The following ARCN1 variants were observed in gnomAD, a reference collection of about 807,000 sequenced individuals.
The protein encoded by ARCN1 is archain 1 coat protein complex I subunit delta.
ARCN1 carries 5 observed loss-of-function variants against 60.4 expected under a neutral mutation model. The ratio of observed to expected loss-of-function variants is 0.08; its 90% confidence interval spans 0.04 to 0.17. The LOEUF (loss-of-function observed/expected upper bound fraction) is 0.17, where lower values mean the gene tolerates loss of function less well. ARCN1 is among the 10% of genes least tolerant of loss of function. ARCN1 has a pLI of 1.00. For missense variants in ARCN1, 464 were observed against 626.5 expected (o/e 0.74, Z 2.77); for synonymous variants, 224 against 220.0 (o/e 1.02, Z -0.16).
intron 5 of ARCN1, among the ~76,000 whole-genome samples, chr11:118,587,876 C>G (rs538868249): frequency 6.6e-6 from 1 of 152,328 alleles, no homozygotes; most frequent in East Asian, 1.9e-4. Context: ...GAGCACCTCA[C>G]AGAACTCAGG....
rs149567724 is a variant in ARCN1 at position 118,587,854 on chromosome 11, A to G, written c.819-2487A>G. 2.5e-3 allele frequency among the ~76,000 whole-genome samples: 376 copies of G among 152,308 alleles called. 2 individuals carry two copies. Among genetic ancestry groups the G allele is most frequent in the Admixed American group, 4.4e-3 (68 of 15,300 alleles). On this transcript the variant is annotated intron_variant, in intron 5 of 9. Coordinates refer to ENST00000264028, the MANE Select transcript of ARCN1 (RefSeq NM_001655.5). ...CCCACGACCCCCTCTGGGGTGTTCA[A>G]TTAATCTGCTAGAGCACCTCACAGA...
Position 118,600,742 on chromosome 11 carries a change from A to G in ARCN1, c.*28A>G, listed in dbSNP as rs1353546536. The stretch of plus-strand genomic sequence containing the variant: ...CCAAGAAGAGGGAGCTGAAAAGGAA[A>G]ATTTTCAGATTAATAAAGAAGACGC... On this transcript the variant is annotated 3_prime_UTR_variant, in exon 10 of 10. Coordinates refer to ENST00000264028, the MANE Select transcript of ARCN1 (RefSeq NM_001655.5). 1 of 1,490,578 alleles carries G rather than the reference A, an allele frequency of 6.7e-7. No homozygotes were observed. Among genetic ancestry groups the G allele is most frequent in the African/African-American group, 1.4e-5 (1 of 70,636 alleles). The allele number at this position is 1,490,578 out of a possible 1,614,324, so 92.3% of individuals were successfully genotyped here.
At chr11:118,585,614 G>GTTGCAACC (rs1938761536) in intron 5 of ARCN1, among the ~76,000 whole-genome samples, 1 of 151,878 alleles carries the variant, frequency 6.6e-6, no homozygotes, top group Non-Finnish European at 1.5e-5. Context: ...ATCTCAGCTT[G>GTTGCAACC]TTGCAACCTC....
intron 1 of ARCN1, among the ~76,000 whole-genome samples, chr11:118,580,673 G>A (rs535914664): frequency 2.6e-5 from 4 of 152,202 alleles, no homozygotes; most frequent in Non-Finnish European, 4.4e-5. Flanking sequence ...TGATTGACAT[G>A]TCTAAGTCTC....
intron 1 of ARCN1, 95 bp downstream of exon 1, chr11:118,572,645 C>G: frequency 6.6e-7 from 1 of 1,512,290 alleles, no homozygotes; most frequent in African/African-American, 1.4e-5. Flanking sequence ...GAGCCCCGCC[C>G]TGAGGGTCTA....
chr11:118,591,962 C>T (rs1473985528), intron 6 of ARCN1, among the ~76,000 whole-genome samples: 4 of 151,570 alleles, frequency 2.6e-5, no homozygotes. Context: ...CTCTTCCTGC[C>T]CAGGTTGGAG....
intron 1 of ARCN1, among the ~76,000 whole-genome samples, chr11:118,580,780 C>G (rs1361298351): frequency 6.6e-6 from 1 of 152,074 alleles, no homozygotes; most frequent in Non-Finnish European, 1.5e-5. Context: ...GCTTTGGCCT[C>G]CCAAAGTGCT....
Position 118,581,937 on chromosome 11 carries a change from G to GACACACACAC in ARCN1, c.267+449_267+458dup, listed in dbSNP as rs34532442. ...TGATCCAGAGACAGACAGACAGACAGACACACACACACACACACACACACA... is the reference window on the plus strand; with the variant it reads ...TGATCCAGAGACAGACAGACAGACAGACACACACACACACACACACACACACACACACACA... On this transcript the variant is annotated intron_variant, in intron 2 of 9. Coordinates refer to ENST00000264028, the MANE Select transcript of ARCN1 (RefSeq NM_001655.5). Among the ~76,000 whole-genome samples the GACACACACAC allele has an allele frequency of 6.9e-3, 971 of 140,804 alleles. 12 individuals are homozygous for GACACACACAC. The highest frequency in any genetic ancestry group is 0.023 in the African/African-American group (898 of 38,642). The allele number at this position is 140,804 out of a possible 152,430, so 92.4% of individuals were successfully genotyped here.
chr11:118,584,176 T>C (rs536258319), intron 4 of ARCN1, among the ~76,000 whole-genome samples, 162 bp downstream of exon 4: 7 of 152,324 alleles, frequency 4.6e-5, no homozygotes, highest in Middle Eastern at 6.8e-3. Context: ...AAAGAAGAAA[T>C]CTGAATGTGG....
intron 6 of ARCN1, 91 bp downstream of exon 6, chr11:118,590,597 ATTACT>A: frequency 7.4e-7 from 1 of 1,355,960 alleles, no homozygotes; most frequent in East Asian, 2.3e-5. Context: ...ACCACAGAAA[ATTACT>A]TAAGTTATAT....
chr11:118,577,404 C>G (rs1374474431), intron 1 of ARCN1, among the ~76,000 whole-genome samples: 6 of 151,986 alleles, frequency 3.9e-5, no homozygotes, highest in African/African-American at 1.2e-4. Context: ...CACCACCAGA[C>G]TTGGCTAATT....
In ARCN1 at chr11:118,593,467, C is replaced by A; in HGVS notation, c.1133-123C>A. ...GCTGGTCTTGAACTCATGGCCTCAA[C>A]CAATCCTCCCACCTCGATCCTACCA... On this transcript the variant is annotated intron_variant, in intron 7 of 9. Coordinates refer to ENST00000264028, the MANE Select transcript of ARCN1 (RefSeq NM_001655.5). The A allele has an allele frequency of 5.5e-6, 3 of 541,378 alleles. No individual in the cohort carries two copies. In the South Asian group the frequency reaches 5.9e-5, roughly 11 times the overall value. The allele number at this position is 541,378 out of a possible 1,614,324, so 33.5% of individuals were successfully genotyped here.
Position 118,583,297 on chromosome 11 carries a change from A to G in ARCN1, c.386A>G (p.Gln129Arg), listed in dbSNP as rs1555074938. The G allele has an allele frequency of 6.2e-7, 1 of 1,614,242 alleles. No homozygotes were observed. The highest frequency in any genetic ancestry group is 1.1e-5 in the South Asian group (1 of 91,092). The change falls in exon 3 of 10, where the codon CAG becomes CGG. Residue 129 changes from glutamine to arginine, a missense_variant. Around this residue, in one of 2 missense-constraint regions of ARCN1, gnomAD observed 105 missense variants for 186.3 expected, o/e 0.56. Coordinates refer to ENST00000264028, the MANE Select transcript of ARCN1 (RefSeq NM_001655.5). ...TACCGGGAGAATGTTAACTTGGCAC[A>G]GATCAGAACCTTCACAGAAATGGAT... ...LGYRENVNLA[Q>R]IRTFTEMDSH...
chr11:118,584,208 G>A (rs1369536928), intron 4 of ARCN1, among the ~76,000 whole-genome samples, 194 bp downstream of exon 4: 1 of 152,200 alleles, frequency 6.6e-6, no homozygotes, highest in Non-Finnish European at 1.5e-5. Context: ...TTGTATAAAA[G>A]AGAGTTATAA....
chr11:118,575,303 A>G (rs1555073301), intron 1 of ARCN1, among the ~76,000 whole-genome samples: 1 of 151,966 alleles, frequency 6.6e-6, no homozygotes, highest in African/African-American at 2.4e-5. Flanking sequence ...TATCTTTTTA[A>G]TTGTGTTTTG....
In ARCN1 at chr11:118,602,054, G is replaced by A; in HGVS notation, c.*1340G>A. 1 of 297,758 alleles carries A rather than the reference G, an allele frequency of 3.4e-6. No homozygotes were observed. The highest frequency in any genetic ancestry group is 6.1e-5 in the South Asian group (1 of 16,288). The allele number at this position is 297,758 out of a possible 1,614,324, so 18.4% of individuals were successfully genotyped here. ...ATGGGGTTATGATTTTGAAGGCTGT[G>A]GGTTCAGGGAGTCTTTGCCAATCCT... On this transcript the variant is annotated 3_prime_UTR_variant, in exon 10 of 10. Transcript: ENST00000264028.
intron 1 of ARCN1, among the ~76,000 whole-genome samples, chr11:118,578,211 A>G (rs1190290022): frequency 1.3e-5 from 2 of 148,622 alleles, no homozygotes; most frequent in Non-Finnish European, 3.0e-5. Flanking sequence ...AAATAAATAA[A>G]TAAAGTGGAT....
At position 118,581,937 on chromosome 11, in the gene ARCN1, G is replaced by GACAGACAGACACACACACAC. The variant is rs1555074708; in HGVS notation, c.267+431_267+432insGACAGACACACACACACACA. 2.2e-3 allele frequency among the ~76,000 whole-genome samples: 305 copies of GACAGACAGACACACACACAC among 140,798 alleles called. 4 individuals are homozygous for GACAGACAGACACACACACAC. Among genetic ancestry groups the GACAGACAGACACACACACAC allele is most frequent in the African/African-American group, 7.6e-3 (292 of 38,636 alleles). The allele number at this position is 140,798 out of a possible 152,430, so 92.4% of individuals were successfully genotyped here. A position where few individuals can be genotyped will look rare whatever the true frequency, so the allele number is the denominator to read the frequency against. On this transcript the variant is annotated intron_variant, in intron 2 of 9. Transcript: ENST00000264028. ...TGATCCAGAGACAGACAGACAGACAGACACACACACACACACACACACACA... is the reference window on the plus strand; with the variant it reads ...TGATCCAGAGACAGACAGACAGACAGACAGACAGACACACACACACACACACACACACACACACACACACA...
In ARCN1 at chr11:118,592,371, T is replaced by G. The variant is rs570120600; in HGVS notation, c.985-338T>G. ...TCAGGGTCTTACTGGAGCCTTCTGC[T>G]TGGCAAACCTGGCCCCACCATGAAC... is the stretch of plus-strand genomic sequence containing the variant. On this transcript the variant is annotated intron_variant, in intron 6 of 9. Coordinates refer to ENST00000264028, the MANE Select transcript of ARCN1 (RefSeq NM_001655.5). 1.5e-3 allele frequency among the ~76,000 whole-genome samples: 230 copies of G among 152,316 alleles called. 2 individuals carry two copies. The highest frequency in any genetic ancestry group is 5.3e-3 in the African/African-American group (222 of 41,574).
Sources: gnomAD v4.1 joint callset for allele counts (sites outside exome capture counted in the v4.1 genomes callset) on GRCh38, gnomAD v4.1.1 for gene constraint, gnomAD v4.1.1 regional missense constraint, MANE v1.5 for transcripts, NCBI Gene and HGNC (gene_info 2026-07-23, HGNC 2026-07-21) for gene names.